PCDHGB1: variants seen among roughly 807,000 people sequenced by gnomAD.
PCDHGB1 encodes the protein protocadherin gamma-B1.
Under a neutral mutation model 56.6 loss-of-function variants are expected in PCDHGB1, and 34 were observed. The ratio of observed to expected loss-of-function variants is 0.60; its 90% CI spans 0.46 to 0.80. The LOEUF (loss-of-function observed/expected upper bound fraction) is 0.80, where lower values mean the gene tolerates loss of function less well. Among genes scored for constraint, PCDHGB1 ranks in the 30% least tolerant of loss-of-function variants. The pLI is 0.00. For synonymous variants in PCDHGB1, 561 were observed against 505.9 expected (o/e 1.11, Z -1.46); for missense variants, 1,278 against 1,204.6 (o/e 1.06, Z -0.90).
At chr5:141,421,474 G>A (rs1320526226) in intron 1 of PCDHGB1, 2 of 1,614,014 alleles carry the variant, frequency 1.2e-6, no homozygotes, top group Non-Finnish European at 1.7e-6. Flanking sequence ...TCCGCGAAGC[G>A]GCAGCTTGAT....
At chr5:141,390,475 A>G (rs1355918266) in intron 1 of PCDHGB1, 1 of 686,634 alleles carries the variant, frequency 1.5e-6, no homozygotes, top group Admixed American at 3.0e-5. Context: ...TGTGTGGCCC[A>G]ACATTTGTTT....
At chr5:141,510,366 T>A (rs1452829030) in intron 3 of PCDHGB1, among the ~76,000 whole-genome samples, 1 of 140,062 alleles carries the variant, frequency 7.1e-6, no homozygotes, top group Non-Finnish European at 1.6e-5. Context: ...AACTACCGAA[T>A]CTCTACTCGT....
intron 1 of PCDHGB1, chr5:141,375,646 C>G (rs765389165): frequency 1.2e-6 from 2 of 1,614,228 alleles, no homozygotes; most frequent in Non-Finnish European, 1.7e-6. Flanking sequence ...GCTCCTTCGA[C>G]TATGAGCAGT....
intron 1 of PCDHGB1, chr5:141,362,177 C>T (rs757621451): frequency 1.9e-6 from 3 of 1,613,916 alleles, no homozygotes; most frequent in Non-Finnish European, 2.5e-6. Flanking sequence ...CGCCGGGAGC[C>T]CTCTGACCCC....
intron 1 of PCDHGB1, among the ~76,000 whole-genome samples, chr5:141,466,183 T>G (rs145148468): frequency 2.0e-5 from 3 of 152,138 alleles, no homozygotes; most frequent in Middle Eastern, 3.4e-3. Flanking sequence ...TATTTTTATT[T>G]TTTTTCAGAC....
chr5:141,414,181 A>G, intron 1 of PCDHGB1: 2 of 1,609,294 alleles, frequency 1.2e-6, no homozygotes, highest in South Asian at 1.1e-5. Context: ...TGCAACTGCA[A>G]AAGTGTTGAT....
At chr5:141,471,263 C>T (rs2099253826) in intron 1 of PCDHGB1, 1 of 151,898 alleles carries the variant, frequency 6.6e-6, no homozygotes, top group African/African-American at 2.4e-5. Context: ...GTTGGCAAGG[C>T]TGGTCTCAAA....
At chr5:141,357,280 G>C in intron 1 of PCDHGB1, 2 of 1,613,938 alleles carry the variant, frequency 1.2e-6, no homozygotes. Flanking sequence ...ACTCTATCTC[G>C]TGGTGGCAGT....
intron 1 of PCDHGB1, among the ~76,000 whole-genome samples, chr5:141,448,516 A>T (rs1210489939): frequency 3.9e-5 from 6 of 152,152 alleles, no homozygotes; most frequent in Non-Finnish European, 8.8e-5. Flanking sequence ...TTATAACTTT[A>T]TTAAGCATCC....
chr5:141,364,720 CCCG>C, intron 1 of PCDHGB1: 3 of 1,613,946 alleles, frequency 1.9e-6, no homozygotes, highest in Non-Finnish European at 2.5e-6. Context: ...ATGATAACTT[CCCG>C]CGTTTCCGGG....
intron 1 of PCDHGB1, among the ~76,000 whole-genome samples, chr5:141,462,068 C>T (rs1006462521): frequency 6.6e-6 from 1 of 152,196 alleles, no homozygotes; most frequent in African/African-American, 2.4e-5. Context: ...GGTGATCTGC[C>T]CGCCTTGGCC....
At chr5:141,372,228 A>C (rs755305090) in intron 1 of PCDHGB1, 1 of 1,613,414 alleles carries the variant, frequency 6.2e-7, no homozygotes, top group Non-Finnish European at 8.5e-7. Context: ...TGTGCAGGCC[A>C]GCGAGCCCGG....
chr5:141,459,687 G>A (rs191874235), intron 1 of PCDHGB1, among the ~76,000 whole-genome samples: 15 of 152,278 alleles, frequency 9.9e-5, no homozygotes, highest in Admixed American at 2.0e-4. Context: ...TGCATAAAGC[G>A]TTCCGCTTGC....
At chr5:141,419,656 G>A (rs1374057056) in intron 1 of PCDHGB1, 15 of 1,612,528 alleles carry the variant, frequency 9.3e-6, no homozygotes, top group Non-Finnish European at 8.5e-6. Context: ...CGGACTCGGG[G>A]CACAATGCCT....
At chr5:141,370,384 C>T (rs777134390) in intron 1 of PCDHGB1, 6 of 1,534,384 alleles carry the variant, frequency 3.9e-6, no homozygotes, top group Non-Finnish European at 5.2e-6. Context: ...GGCAAAGGCG[C>T]AGAGAGCGGG....
chr5:141,360,576 G>A lies in PCDHGB1; in HGVS notation c.2409+7907G>A, dbSNP rs776110254. 1.9e-6 allele frequency: 3 copies of A among 1,613,810 alleles called. No homozygotes were observed. In the East Asian group the frequency reaches 6.7e-5, roughly 36 times the overall value. On this transcript the variant is annotated intron_variant, in intron 1 of 3. Coordinates refer to ENST00000523390, the MANE Select transcript of PCDHGB1 (RefSeq NM_018922.3). ...ATTTAAAAATTGGCGAATCCACTAA[G>A]CCAGGTACAACATTTCCACTTGACC...
intron 1 of PCDHGB1, chr5:141,423,194 C>T (rs1467994226): frequency 3.7e-6 from 6 of 1,613,588 alleles, no homozygotes; most frequent in South Asian, 1.1e-5. Context: ...CCCCCTCTCT[C>T]GGCCACCGTC....
chr5:141,488,985 C>G lies in PCDHGB1; in HGVS notation c.2410-5822C>G, dbSNP rs574857958. On this transcript the variant is annotated intron_variant, in intron 1 of 3. Transcript: ENST00000523390. ...ACTTTTTGGCCAATCAGACTCAGAG[C>G]TGAGGTGGGAGATCTGCTCTTCCAG... The G allele has an allele frequency of 7.4e-6, 3 of 405,188 alleles. No homozygotes were observed. In the South Asian group the frequency reaches 2.4e-4, roughly 32 times the overall value. The allele number at this position is 405,188 out of a possible 1,614,324, so 25.1% of individuals were successfully genotyped here.
intron 1 of PCDHGB1, chr5:141,415,943 T>A: frequency 1.8e-6 from 1 of 552,806 alleles, no homozygotes; most frequent in Non-Finnish European, 2.7e-6. Flanking sequence ...TCCTCCTGGG[T>A]GGTCACATAT....
Sources: gnomAD v4.1 joint callset for allele counts (sites outside exome capture counted in the v4.1 genomes callset) on GRCh38, gnomAD v4.1.1 for gene constraint, MANE v1.5 for transcripts, NCBI Gene and HGNC (gene_info 2026-07-23, HGNC 2026-07-21) for gene names.